The following TMEM132D variants were observed in gnomAD, a reference collection of about 807,000 sequenced individuals.
TMEM132D encodes the protein mature OL transmembrane protein.
In TMEM132D, 21 loss-of-function variants were observed where a neutral mutation model predicts 62.3. That is an observed-to-expected ratio of 0.34 (90% confidence interval 0.24 to 0.49). TMEM132D has a LOEUF of 0.49. Among genes scored for constraint, TMEM132D ranks in the 20% least tolerant of loss-of-function variants. The pLI is 0.99. For missense variants in TMEM132D, 1,346 were observed against 1,402.8 expected, an observed-to-expected ratio of 0.96 and a Z score of 0.65; for synonymous variants, 621 against 575.6, an observed-to-expected ratio of 1.08 and a Z score of -1.13.
intron 4 of TMEM132D, among the ~76,000 whole-genome samples, chr12:129,238,478 C>T (rs1183256443): frequency 2.0e-5 from 3 of 152,138 alleles, no homozygotes; most frequent in Non-Finnish European, 4.4e-5. Flanking sequence ...ACAACAACTT[C>T]CCTTTACCTT....
chr12:129,104,203 A>C (rs1162230115), intron 5 of TMEM132D, among the ~76,000 whole-genome samples: 1 of 151,358 alleles, frequency 6.6e-6, no homozygotes, highest in African/African-American at 2.4e-5. Flanking sequence ...GATATAGACC[A>C]ATGGAACAGA....
intron 2 of TMEM132D, among the ~76,000 whole-genome samples, chr12:129,609,586 C>T (rs1226269348): frequency 6.6e-6 from 1 of 152,168 alleles, no homozygotes; most frequent in African/African-American, 2.4e-5. Context: ...AGGGCTGGTG[C>T]TCTCCCAACT....
intron 2 of TMEM132D, among the ~76,000 whole-genome samples, chr12:129,650,237 C>A (rs1020461229): frequency 6.6e-6 from 1 of 152,108 alleles, no homozygotes; most frequent in Non-Finnish European, 1.5e-5. Flanking sequence ...TACGCATCTA[C>A]CTGTAATTTC....
rs190886410 is a variant in TMEM132D, at chr12:129,084,124, A to C, written c.1649+373T>G. On this transcript the variant is annotated intron_variant, in intron 6 of 8. Coordinates refer to ENST00000422113, the MANE Select transcript of TMEM132D (RefSeq NM_133448.3). ...TCAGCCTTGGTGCACCTCTTCCTCT[A>C]GCTCCTCTGGCTCTAGGTGGGGAGT... Among the ~76,000 whole-genome samples the C allele has an allele frequency of 2.5e-4, 38 of 151,506 alleles. No individual in the cohort carries two copies. The East Asian group carries it at 6.2e-3, about 25-fold the overall frequency.
chr12:129,584,397 T>C (rs1250823333), intron 2 of TMEM132D, among the ~76,000 whole-genome samples: 2 of 152,230 alleles, frequency 1.3e-5, no homozygotes, highest in Non-Finnish European at 2.9e-5. Flanking sequence ...TTCCACTCTT[T>C]CTATGCAAGA....
Position 129,903,538 on chromosome 12 carries a change from G to A in TMEM132D, c.-199C>T. The A allele has an allele frequency of 1.7e-6, 1 of 590,422 alleles. No homozygotes were observed. The highest frequency in any genetic ancestry group is 2.0e-5 in the South Asian group (1 of 48,860). The allele number at this position is 590,422 out of a possible 1,614,324, so 36.6% of individuals were successfully genotyped here. ...GGAGGCGACGACCGCGCGGGCTCCT[G>A]AGTTGCTCTCCGGAGTCCAACACGC... On this transcript the variant is annotated 5_prime_UTR_variant, in exon 1 of 9. Coordinates refer to ENST00000422113, the MANE Select transcript of TMEM132D (RefSeq NM_133448.3). The surrounding 1 kb of genome is among the most constrained non-coding windows in gnomAD (Gnocchi z 6.2).
rs780865286 is a variant in TMEM132D at position 129,337,798 on chromosome 12, C to T, written c.1135G>A (p.Glu379Lys). 2 of 1,611,040 alleles carry T rather than the reference C, an allele frequency of 1.2e-6. No individual in the cohort carries two copies. The highest frequency in any genetic ancestry group is 1.7e-6 in the Non-Finnish European group (2 of 1,178,230). ...ACCTCCACATCGATCTGCATGACCT[C>T]GTAGGAGGCGCCATCCGCACTGGAG... ...SENSADGASY[E>K]VMQIDVEVEE... The change falls in exon 4 of 9, where the codon GAG (glutamate) becomes AAG (lysine). Residue 379 changes from glutamate to lysine, a missense_variant. Transcript: ENST00000422113.
chr12:129,101,796 G>A (rs980950272), intron 5 of TMEM132D, among the ~76,000 whole-genome samples: 1 of 152,148 alleles, frequency 6.6e-6, no homozygotes, highest in Non-Finnish European at 1.5e-5. Context: ...TAGTGGAATC[G>A]TAGAAAATAG....
chr12:129,615,267 A>C (rs939569850), intron 2 of TMEM132D, among the ~76,000 whole-genome samples: 4 of 151,964 alleles, frequency 2.6e-5, no homozygotes, highest in African/African-American at 9.7e-5. Flanking sequence ...CTCTAGGCAG[A>C]CTCTGGAGTC....
Position 129,343,048 on chromosome 12 carries a change from C to A in TMEM132D, c.1116-5231G>T, listed in dbSNP as rs147245247. The stretch of plus-strand genomic sequence containing the variant: ...CCTTAGGGATCTAGAACTAGAAACA[C>A]CATTTGACCCAGCCATCCCATTACT... On this transcript the variant is annotated intron_variant, in intron 3 of 8. Transcript: ENST00000422113. Among the ~76,000 whole-genome samples, 687 of 152,282 alleles carry A rather than the reference C, an allele frequency of 4.5e-3. 6 individuals carry two copies. Among genetic ancestry groups the A allele is most frequent in the African/African-American group, 0.016 (658 of 41,540 alleles).
intron 5 of TMEM132D, among the ~76,000 whole-genome samples, chr12:129,176,138 G>T (rs1233960792): frequency 6.6e-6 from 1 of 152,212 alleles, no homozygotes; most frequent in Non-Finnish European, 1.5e-5. Context: ...GCAGAGAGAT[G>T]TTCATACCTC....
intron 2 of TMEM132D, among the ~76,000 whole-genome samples, chr12:129,613,962 G>A (rs1429703433): frequency 1.3e-5 from 2 of 151,742 alleles, no homozygotes; most frequent in African/African-American, 4.8e-5. Context: ...CAGAACGCAG[G>A]GGACTGACTC....
chr12:129,657,485 G>A (rs1286071464), intron 2 of TMEM132D, among the ~76,000 whole-genome samples: 1 of 152,168 alleles, frequency 6.6e-6, no homozygotes, highest in Admixed American at 6.5e-5. Context: ...CCACCATCAA[G>A]AAGGAAATAA....
rs1172459049 is a variant in TMEM132D at position 129,733,361 on chromosome 12, GAC to G, written c.80-32665_80-32664del. On this transcript the variant is annotated intron_variant, in intron 1 of 8. Coordinates refer to ENST00000422113, the MANE Select transcript of TMEM132D (RefSeq NM_133448.3). ...TTGCATTGTAGGTCACCCAGCTGGT[GAC>G]AGAGAATAGTTTTCAGAGCCTGATC... Among the ~76,000 whole-genome samples the G allele has an allele frequency of 2.0e-5, 3 of 152,238 alleles. No homozygotes were observed. In the East Asian group the frequency reaches 5.8e-4, roughly 29 times the overall value.
chr12:129,260,904 C>CT (rs1240917985), intron 4 of TMEM132D, among the ~76,000 whole-genome samples: 4 of 152,180 alleles, frequency 2.6e-5, no homozygotes, highest in African/African-American at 9.7e-5. Flanking sequence ...TTTTCTTTAT[C>CT]CACTTGGTTG....
intron 1 of TMEM132D, among the ~76,000 whole-genome samples, chr12:129,890,893 C>G (rs958161580): frequency 1.3e-5 from 2 of 152,170 alleles, no homozygotes; most frequent in Non-Finnish European, 2.9e-5. Flanking sequence ...ATAAAATACT[C>G]GAACCAAATA....
intron 4 of TMEM132D, among the ~76,000 whole-genome samples, chr12:129,238,069 C>T (rs1446159566): frequency 2.0e-5 from 3 of 152,256 alleles, no homozygotes; most frequent in African/African-American, 7.2e-5. Flanking sequence ...GTCTGATCCT[C>T]ACCACCATCC....
In TMEM132D at chr12:129,277,227, A is replaced by G. The variant is rs1230049671; in HGVS notation, c.1299+60407T>C. Among the ~76,000 whole-genome samples, 2 of 152,118 alleles carry G rather than the reference A, an allele frequency of 1.3e-5. No homozygotes were observed. The highest frequency in any genetic ancestry group is 6.6e-5 in the Admixed American group (1 of 15,264). On this transcript the variant is annotated intron_variant, in intron 4 of 8. Transcript: ENST00000422113. The surrounding 1 kb of genome is among the most constrained non-coding windows in gnomAD (Gnocchi z 4.2). ...TTTCTTTTATTTTTTCTCACTAAAGATATTTGTGCTTGTGTGTCTGAGTCT... is the reference window on the plus strand; with the variant it reads ...TTTCTTTTATTTTTTCTCACTAAAGGTATTTGTGCTTGTGTGTCTGAGTCT...
chr12:129,433,087 A>C (rs185062836), intron 3 of TMEM132D, among the ~76,000 whole-genome samples: 202 of 152,308 alleles, frequency 1.3e-3, no homozygotes, highest in Non-Finnish European at 2.3e-3. Flanking sequence ...TCATCCATCT[A>C]GATTCCCATC....
Sources: allele counts gnomAD v4.1 joint callset (sites outside exome capture counted in the v4.1 genomes callset), GRCh38; gene constraint gnomAD v4.1.1; non-coding constraint Gnocchi (gnomAD v3.1); transcripts MANE v1.5; gene names NCBI Gene and HGNC (gene_info 2026-07-23, HGNC 2026-07-21).